Variants in PPARGC1A observed in about 807,000 individuals in gnomAD.
PPARGC1A encodes peroxisome proliferator-activated receptor gamma coactivator 1-alpha.
In PPARGC1A, 25 loss-of-function variants were observed where a neutral mutation model predicts 88.7. The ratio of observed to expected loss-of-function variants is 0.28; its 90% CI spans 0.21 to 0.39. The LOEUF is 0.39. PPARGC1A is among the 10% of genes least tolerant of loss of function. PPARGC1A has a pLI of 1.00. For synonymous variants in PPARGC1A, 363 were observed against 355.6 expected (o/e 1.02, Z -0.24); for missense variants, 880 against 968.7 (o/e 0.91, Z 1.22).
chr4:24,078,453 A>G, the PPARGC1A span, among the ~76,000 whole-genome samples: 1 of 152,048 alleles, frequency 6.6e-6, no homozygotes, highest in Admixed American at 6.6e-5. Context: ...TCCTTATTCC[A>G]TATTAACTGT....
the PPARGC1A span, among the ~76,000 whole-genome samples, chr4:24,447,644 C>T: frequency 2.6e-5 from 4 of 152,310 alleles, no homozygotes; most frequent in South Asian, 8.3e-4. Flanking sequence ...GAGTGGGTTT[C>T]CTCCTTGCAA....
the PPARGC1A span, among the ~76,000 whole-genome samples, chr4:24,401,015 C>CTTTTTTTTTTTT: frequency 1.0e-4 from 10 of 99,822 alleles, no homozygotes; most frequent in Non-Finnish European, 1.3e-4. Context: ...CCTGAATTTT[C>CTTTTTTTTTTTT]TTTTTTTTTT....
the PPARGC1A span, among the ~76,000 whole-genome samples, chr4:24,210,085 G>T: frequency 6.6e-6 from 1 of 152,098 alleles, no homozygotes; most frequent in Non-Finnish European, 1.5e-5. Flanking sequence ...CTCAATAAAT[G>T]CTCACCTCCT....
chr4:23,856,759 A>G (rs1730255554), intron 2 of PPARGC1A, among the ~76,000 whole-genome samples: 1 of 152,080 alleles, frequency 6.6e-6, no homozygotes, highest in Admixed American at 6.6e-5. Context: ...AAAGGTACAC[A>G]TTGAATACAT....
At chr4:24,257,559 C>T in the PPARGC1A span, among the ~76,000 whole-genome samples, 7,117 of 152,228 alleles carry the variant, frequency 0.047, 229 homozygotes, top group Middle Eastern at 0.088. Flanking sequence ...ACAGTCTCCT[C>T]CTGCCCTTTT....
At chr4:24,427,997 C>T in the PPARGC1A span, among the ~76,000 whole-genome samples, 1 of 151,876 alleles carries the variant, frequency 6.6e-6, no homozygotes, top group African/African-American at 2.4e-5. Flanking sequence ...TGTCTTTAGT[C>T]CCAGCTACTC....
At chr4:24,182,216 A>C in the PPARGC1A span, among the ~76,000 whole-genome samples, 1 of 152,026 alleles carries the variant, frequency 6.6e-6, no homozygotes, top group Non-Finnish European at 1.5e-5. Context: ...CTCATTGTTC[A>C]ACTCCCACTT....
the PPARGC1A span, among the ~76,000 whole-genome samples, chr4:24,218,894 TC>T: frequency 2.0e-5 from 3 of 152,240 alleles, no homozygotes; most frequent in Non-Finnish European, 4.4e-5. Context: ...CAGTGACATT[TC>T]CATGTCCCTT....
the PPARGC1A span, among the ~76,000 whole-genome samples, chr4:24,317,523 G>A: frequency 8.0e-6 from 1 of 125,040 alleles, no homozygotes. Flanking sequence ...TCATAGCAGA[G>A]GTGACTTTGA....
chr4:24,295,127 G>T, the PPARGC1A span, among the ~76,000 whole-genome samples: 2 of 152,174 alleles, frequency 1.3e-5, no homozygotes, highest in Non-Finnish European at 2.9e-5. Flanking sequence ...TAGCCTCAAA[G>T]AATATTCTAT....
At chr4:24,020,883 A>C in the PPARGC1A span, among the ~76,000 whole-genome samples, 1 of 152,318 alleles carries the variant, frequency 6.6e-6, no homozygotes, top group Non-Finnish European at 1.5e-5. Flanking sequence ...CATTCTGTCA[A>C]GAATCCCTAC....
chr4:24,001,338 C>T, the PPARGC1A span, among the ~76,000 whole-genome samples: 1 of 152,162 alleles, frequency 6.6e-6, no homozygotes, highest in Non-Finnish European at 1.5e-5. Flanking sequence ...CTGTGTAGCA[C>T]CTTGAGTGCT....
the PPARGC1A span, among the ~76,000 whole-genome samples, chr4:23,971,932 A>G: frequency 6.6e-6 from 1 of 151,894 alleles, no homozygotes; most frequent in African/African-American, 2.4e-5. Context: ...AATTATATAT[A>G]TACATATATT....
the PPARGC1A span, among the ~76,000 whole-genome samples, chr4:24,296,050 ATG>A: frequency 6.6e-6 from 1 of 150,428 alleles, no homozygotes; most frequent in Admixed American, 6.7e-5. Flanking sequence ...GTATGTGTGT[ATG>A]TGTATATATG....
At chr4:23,992,448 A>G in the PPARGC1A span, among the ~76,000 whole-genome samples, 2 of 152,012 alleles carry the variant, frequency 1.3e-5, no homozygotes, top group African/African-American at 4.8e-5. Flanking sequence ...ACCCTGTAAA[A>G]TGGGTATTAT....
chr4:24,334,897 A>G, the PPARGC1A span, among the ~76,000 whole-genome samples: 1 of 152,274 alleles, frequency 6.6e-6, no homozygotes, highest in East Asian at 1.9e-4. Context: ...TTTGATTTCT[A>G]TATTTAGAAA....
chr4:24,184,903 G>A, the PPARGC1A span, among the ~76,000 whole-genome samples: 1 of 152,142 alleles, frequency 6.6e-6, no homozygotes, highest in Non-Finnish European at 1.5e-5. Flanking sequence ...GACAAAAGAA[G>A]TCAGGAAAAA....
upstream of PPARGC1A, among the ~76,000 whole-genome samples, chr4:23,908,932 C>T (rs771290081): frequency 3.9e-5 from 6 of 152,100 alleles, no homozygotes; most frequent in South Asian, 2.1e-4. Context: ...ATGATAGTTC[C>T]GCAACATCCC....
chr4:23,965,195 G>A, the PPARGC1A span, among the ~76,000 whole-genome samples: 1 of 152,164 alleles, frequency 6.6e-6, no homozygotes, highest in Non-Finnish European at 1.5e-5. Flanking sequence ...GGATTAGAGA[G>A]GAGATTCCTT....
Sources: gnomAD v4.1 joint callset for allele counts (sites outside exome capture counted in the v4.1 genomes callset) on GRCh38, gnomAD v4.1.1 for gene constraint, MANE v1.5 for transcripts, NCBI Gene and HGNC (gene_info 2026-07-23, HGNC 2026-07-21) for gene names.